Variants in CCDC146 observed in about 807,000 individuals in gnomAD.
The protein encoded by CCDC146 is coiled-coil domain-containing protein 146.
A neutral mutation model predicts 119.3 loss-of-function variants in CCDC146; 92 were observed. The ratio of observed to expected loss-of-function variants is 0.77; its 90% CI spans 0.65 to 0.92. The LOEUF (loss-of-function observed/expected upper bound fraction) is 0.92, where lower values mean the gene tolerates loss of function less well. CCDC146 is among the 40% of genes least tolerant of loss of function. CCDC146 has a pLI of 0.00. For synonymous variants in CCDC146, 372 were observed against 371.8 expected (o/e 1.00, Z -0.01); for missense variants, 1,000 against 1,103.0 (o/e 0.91, Z 1.32).
intron 2 of CCDC146, among the ~76,000 whole-genome samples, chr7:77,214,980 A>G (rs1423113980): frequency 6.6e-6 from 1 of 152,104 alleles, no homozygotes; most frequent in Non-Finnish European, 1.5e-5. Flanking sequence ...ATTCATTAGG[A>G]ATTTTAAATG....
chr7:77,141,634 C>T (rs1039520793), intron 1 of CCDC146, among the ~76,000 whole-genome samples: 10 of 152,142 alleles, frequency 6.6e-5, no homozygotes, highest in African/African-American at 1.4e-4. Flanking sequence ...GATGGCATCT[C>T]GTTGTGGTTT....
chr7:77,256,065 G>T (rs1393251911), intron 5 of CCDC146, among the ~76,000 whole-genome samples: 1 of 151,794 alleles, frequency 6.6e-6, no homozygotes. Context: ...AATGTAGGAG[G>T]ATAGAAAAGA....
intron 4 of CCDC146, among the ~76,000 whole-genome samples, chr7:77,253,792 A>G (rs977367149): frequency 6.6e-6 from 1 of 152,200 alleles, no homozygotes; most frequent in Non-Finnish European, 1.5e-5. Context: ...CTATGAGAAG[A>G]TGATATCGGT....
chr7:77,259,802 C>T, intron 7 of CCDC146, among the ~76,000 whole-genome samples: 1 of 152,138 alleles, frequency 6.6e-6, no homozygotes, highest in Non-Finnish European at 1.5e-5. Flanking sequence ...CCGTGGCACT[C>T]AGTGGAGATA....
At chr7:77,287,024 C>T (rs1341670669) in intron 16 of CCDC146, 98 bp downstream of exon 16, 5 of 1,296,656 alleles carry the variant, frequency 3.9e-6, no homozygotes, top group Middle Eastern at 1.9e-4. Flanking sequence ...ACAGACCTAT[C>T]CTTCATTATT....
chr7:77,164,218 G>GAAATAT (rs1291087430), intron 1 of CCDC146, among the ~76,000 whole-genome samples: 1 of 151,902 alleles, frequency 6.6e-6, no homozygotes, highest in African/African-American at 2.4e-5. Flanking sequence ...TGTTCTGAAG[G>GAAATAT]AAATATTTTT....
chr7:77,233,625 A>T (rs1463947801), intron 2 of CCDC146, among the ~76,000 whole-genome samples: 1 of 152,192 alleles, frequency 6.6e-6, no homozygotes, highest in African/African-American at 2.4e-5. Context: ...ATCAGGCATT[A>T]CATTCTCCTA....
chr7:77,193,253 A>G (rs886525733), intron 2 of CCDC146: 2 of 152,232 alleles, frequency 1.3e-5, no homozygotes, highest in African/African-American at 2.4e-5. Flanking sequence ...GTGTTCCTCT[A>G]TTTGCCTCTG....
At chr7:77,139,905 C>CTTT (rs1257158391) in intron 1 of CCDC146, among the ~76,000 whole-genome samples, 1 of 143,152 alleles carries the variant, frequency 7.0e-6, no homozygotes, top group East Asian at 2.0e-4. Context: ...ATTTCTTTTT[C>CTTT]TTTTTTTTTT....
chr7:77,257,502 A>G (rs1019775481), intron 6 of CCDC146, among the ~76,000 whole-genome samples: 2 of 152,186 alleles, frequency 1.3e-5, no homozygotes, highest in Non-Finnish European at 2.9e-5. Flanking sequence ...TTTAACAGGA[A>G]CCCAGTGAAG....
At chr7:77,176,443 T>C (rs964299270) in intron 2 of CCDC146, among the ~76,000 whole-genome samples, 1 of 150,974 alleles carries the variant, frequency 6.6e-6, no homozygotes, top group Non-Finnish European at 1.5e-5. Flanking sequence ...GAGGAAAAGA[T>C]TCTAAATTGA....
At chr7:77,239,806 A>G (rs1792810081) in intron 3 of CCDC146, among the ~76,000 whole-genome samples, 1 of 152,182 alleles carries the variant, frequency 6.6e-6, no homozygotes, top group South Asian at 2.1e-4. Flanking sequence ...GGAGTTCTAT[A>G]AGATACTGGA....
At chr7:77,139,599 A>T (rs1790906260) in intron 1 of CCDC146, among the ~76,000 whole-genome samples, 1 of 152,202 alleles carries the variant, frequency 6.6e-6, no homozygotes, top group Admixed American at 6.5e-5. Flanking sequence ...TGATAGGGGA[A>T]GTTATGCACA....
intron 2 of CCDC146, among the ~76,000 whole-genome samples, chr7:77,222,818 G>A (rs896254023): frequency 6.6e-6 from 1 of 152,170 alleles, no homozygotes; most frequent in Admixed American, 6.5e-5. Flanking sequence ...CAGATGCACC[G>A]GTGGTGGAGC....
intron 2 of CCDC146, among the ~76,000 whole-genome samples, chr7:77,185,569 G>T (rs1791654797): frequency 6.6e-6 from 1 of 152,208 alleles, no homozygotes; most frequent in South Asian, 2.1e-4. Context: ...ATATGGCTTA[G>T]ATGACAATAC....
intron 2 of CCDC146, among the ~76,000 whole-genome samples, chr7:77,172,131 T>A (rs1322717189): frequency 6.6e-6 from 1 of 152,230 alleles, no homozygotes; most frequent in East Asian, 1.9e-4. Context: ...TTGCAAACTT[T>A]CGGAATATTC....
chr7:77,182,856 G>A (rs1426748859), intron 2 of CCDC146, among the ~76,000 whole-genome samples: 3 of 151,864 alleles, frequency 2.0e-5, no homozygotes, highest in African/African-American at 7.3e-5. Flanking sequence ...AAGGCTCCTT[G>A]TTCTCCCCTT....
At chr7:77,126,962 C>T (rs1174960707) in intron 1 of CCDC146, among the ~76,000 whole-genome samples, 1 of 152,116 alleles carries the variant, frequency 6.6e-6, no homozygotes, top group African/African-American at 2.4e-5. Context: ...CTGCCTCCCG[C>T]TGCCATTCAT....
chr7:77,270,983 TG>T (rs1402750695), intron 9 of CCDC146, among the ~76,000 whole-genome samples: 1 of 151,736 alleles, frequency 6.6e-6, no homozygotes, highest in East Asian at 1.9e-4. Context: ...TTCATTGGCT[TG>T]TCTTAGCTCA....
Sources: allele counts gnomAD v4.1 joint callset (sites outside exome capture counted in the v4.1 genomes callset), GRCh38; gene constraint gnomAD v4.1.1; transcripts MANE v1.5; gene names NCBI Gene and HGNC (gene_info 2026-07-23, HGNC 2026-07-21).